TFEB: variants seen among roughly 807,000 people sequenced by gnomAD.
TFEB encodes transcription factor EB, also known as T-cell transcription factor EB.
A neutral mutation model predicts 48.0 loss-of-function variants in TFEB; 12 were observed. The observed-to-expected ratio is 0.25, with a 90% CI of 0.16 to 0.40. TFEB has a LOEUF of 0.40. TFEB is among the 10% of genes least tolerant of loss of function. TFEB has a pLI of 1.00. For synonymous variants in TFEB, 244 were observed against 261.4 expected, an observed-to-expected ratio of 0.93 and a Z score of 0.64; for missense variants, 509 against 640.3, an observed-to-expected ratio of 0.79 and a Z score of 2.21.
At position 41,687,151 on chromosome 6, in the gene TFEB, A is replaced by T. The variant is rs757971193; in HGVS notation, c.746T>A (p.Phe249Tyr). ...NHNLIERRRR[F>Y]NINDRIKELG... ...CTCCTTGATGCGGTCATTGATGTTG[A>T]ACCTTCGTCTCCTTTCAACTAAAGG... is the stretch of plus-strand genomic sequence containing the variant. The change falls in exon 7 of 9, where the codon TTC (phenylalanine) becomes TAC (tyrosine). Residue 249 changes from phenylalanine (F) to tyrosine (Y), a missense_variant. By Grantham distance (22) the Phe-to-Tyr change is conservative (BLOSUM62 3). Around this residue, in one of 4 missense-constraint regions of TFEB, gnomAD observed 28 missense variants for 71.9 expected, o/e 0.39. Transcript: ENST00000373033. 2 of 1,614,122 alleles carry T rather than the reference A, an allele frequency of 1.2e-6. No individual in the cohort carries two copies. Among genetic ancestry groups the T allele is most frequent in the East Asian group, 4.5e-5 (2 of 44,886 alleles).
intron 1 of TFEB, among the ~76,000 whole-genome samples, chr6:41,704,214 G>A (rs57362568): frequency 0.13 from 19,428 of 152,172 alleles, 1,334 homozygotes; most frequent in East Asian, 0.21. Flanking sequence ...CCTCCACCAC[G>A]TCATCTGTCC....
At chr6:41,687,069 C>A in intron 7 of TFEB, 25 bp downstream of exon 7, 1 of 1,611,368 alleles carries the variant, frequency 6.2e-7, no homozygotes, top group Non-Finnish European at 8.5e-7. Context: ...AGACCCATCA[C>A]CCTCCCCCTC....
intron 1 of TFEB, among the ~76,000 whole-genome samples, chr6:41,729,712 T>C (rs1771372059): frequency 6.6e-6 from 1 of 152,120 alleles, no homozygotes; most frequent in South Asian, 2.1e-4. Context: ...GAACAGTGGA[T>C]AGTTTCAGGG....
rs1769089646 is a variant in TFEB at position 41,687,825 on chromosome 6, G to A, written c.671-16C>T. The A allele has an allele frequency of 6.2e-7, 1 of 1,613,108 alleles. No individual in the cohort carries two copies. Among genetic ancestry groups the A allele is most frequent in the African/African-American group, 1.3e-5 (1 of 74,912 alleles). ...CTCTCAGCATCTGGAGGCCAAAAGA[G>A]AAGGAGAGAGGAGCTGGGAGGGAGG... On this transcript the variant is annotated splice_polypyrimidine_tract_variant and intron_variant, in intron 5 of 8. Transcript: ENST00000373033.
chr6:41,736,030 C>T, upstream of TFEB: 1 of 1,368,404 alleles, frequency 7.3e-7, no homozygotes, highest in South Asian at 1.2e-5. Flanking sequence ...GCACTTTTAT[C>T]CCTGCCCCGA....
rs773883255 is a variant in TFEB, at chr6:41,691,181, G to A, written c.33C>T (p.Leu11=). MASRIGLRMQ[L]MREQAQQEEQ... is the part of the protein sequence containing the mutation. ...CCTCCTGCTGCGCCTGCTCCCGCAT[G>A]AGCTGCATGCGCAACCCTATGCGTG... Residue 11 remains leucine, a synonymous_variant, in exon 2 of 9, where the codon CTC becomes CTT. Transcript: ENST00000373033. This position sits in a 1 kb window ranked among gnomAD's most constrained non-coding sequence, Gnocchi z 5.2. 8 of 1,590,312 alleles carry A rather than the reference G, an allele frequency of 5.0e-6. No homozygotes were observed. In the East Asian group the frequency reaches 1.1e-4, roughly 23 times the overall value.
At chr6:41,697,982 A>G (rs1769698129) in intron 1 of TFEB, among the ~76,000 whole-genome samples, 1 of 152,222 alleles carries the variant, frequency 6.6e-6, no homozygotes. Context: ...TGTGGTTTTA[A>G]AAGCCTTTTG....
chr6:41,694,864 C>T (rs1769495501), intron 1 of TFEB, among the ~76,000 whole-genome samples: 1 of 152,106 alleles, frequency 6.6e-6, no homozygotes, highest in Non-Finnish European at 1.5e-5. Flanking sequence ...TCTCCCCTGC[C>T]CCTCCCAGGT....
chr6:41,709,779 T>G (rs1175728749), intron 1 of TFEB, among the ~76,000 whole-genome samples: 3 of 152,200 alleles, frequency 2.0e-5, no homozygotes, highest in Non-Finnish European at 4.4e-5. Context: ...CCCTTTCCAT[T>G]AAATTTATTT....
chr6:41,687,213 A>T (rs779376939), intron 6 of TFEB, 44 bp from the exon 7 acceptor site: 1 of 1,582,370 alleles, frequency 6.3e-7, no homozygotes, highest in Non-Finnish European at 8.7e-7. Context: ...AGGGATGGGG[A>T]CCCCCCACCC....
At chr6:41,709,114 A>C (rs1770368217) in intron 1 of TFEB, among the ~76,000 whole-genome samples, 1 of 152,234 alleles carries the variant, frequency 6.6e-6, no homozygotes, top group Non-Finnish European at 1.5e-5. Flanking sequence ...AGAGCTATAG[A>C]GCTCCAGCAT....
intron 1 of TFEB, among the ~76,000 whole-genome samples, chr6:41,721,481 T>TA (rs956801003): frequency 5.9e-5 from 9 of 151,386 alleles, no homozygotes; most frequent in East Asian, 1.9e-4. Context: ...TCTTTTTCAT[T>TA]AAAAAAAAAT....
At chr6:41,707,406 G>C (rs1770283308) in intron 1 of TFEB, among the ~76,000 whole-genome samples, 1 of 152,164 alleles carries the variant, frequency 6.6e-6, no homozygotes, top group Non-Finnish European at 1.5e-5. Flanking sequence ...GAAACATCAA[G>C]GGGAAAGGCT....
chr6:41,715,923 G>A (rs749670852), intron 1 of TFEB, among the ~76,000 whole-genome samples: 3 of 152,088 alleles, frequency 2.0e-5, no homozygotes, highest in Non-Finnish European at 2.9e-5. Flanking sequence ...CACCACTGTC[G>A]TGGTGCCTGG....
At chr6:41,736,092 A>AC, upstream of TFEB, 1 of 1,610,864 alleles carries the variant, frequency 6.2e-7, no homozygotes, top group East Asian at 2.2e-5. Flanking sequence ...GTAAAATATG[A>AC]CAGTAGAAGG....
intron 7 of TFEB, 36 bp from the exon 8 acceptor site, chr6:41,686,273 C>T (rs1317627903): frequency 1.9e-6 from 3 of 1,609,062 alleles, no homozygotes; most frequent in Non-Finnish European, 2.6e-6. Flanking sequence ...GAGGTGCATG[C>T]TCAGAAGAGT....
At chr6:41,699,291 G>A (rs372913879) in intron 1 of TFEB, among the ~76,000 whole-genome samples, 23 of 152,324 alleles carry the variant, frequency 1.5e-4, no homozygotes, top group African/African-American at 4.1e-4. Flanking sequence ...GTGTTGCTCC[G>A]TCCAGGCCCA....
At position 41,691,330 on chromosome 6, in the gene TFEB, C is replaced by T. The variant is rs912339962; in HGVS notation, c.-22-95G>A. 4 of 1,267,164 alleles carry T rather than the reference C, an allele frequency of 3.2e-6. No homozygotes were observed. In the African/African-American group the frequency reaches 5.9e-5, roughly 19 times the overall value. The allele number at this position is 1,267,164 out of a possible 1,614,324, so 78.5% of individuals were successfully genotyped here. A position where few individuals can be genotyped will look rare whatever the true frequency, so the allele number is the denominator to read the frequency against. ...GAGGCCAGAATGACTGGGACCGCAT[C>T]CATTTTAGAGGAGAAGACACCGAGC... is the stretch of plus-strand genomic sequence containing the variant. On this transcript the variant is annotated intron_variant, in intron 1 of 8. Coordinates refer to ENST00000373033, the MANE Select transcript of TFEB (RefSeq NM_001271944.2). This position sits in a 1 kb window ranked among gnomAD's most constrained non-coding sequence, Gnocchi z 5.2.
intron 6 of TFEB, 26 bp downstream of exon 6, chr6:41,687,727 A>G (rs1248352198): frequency 6.2e-7 from 1 of 1,613,856 alleles, no homozygotes; most frequent in African/African-American, 1.3e-5. Flanking sequence ...AGAGGGAGGC[A>G]GGGAGAGGGG....
Sources: allele counts gnomAD v4.1 joint callset (sites outside exome capture counted in the v4.1 genomes callset), GRCh38; gene constraint gnomAD v4.1.1; regional missense constraint gnomAD v4.1.1; non-coding constraint Gnocchi (gnomAD v3.1); transcripts MANE v1.5; gene names NCBI Gene and HGNC (gene_info 2026-07-23, HGNC 2026-07-21).